LRRIQ1: variants seen among roughly 807,000 people sequenced by gnomAD.
LRRIQ1 encodes the protein leucine rich repeats and IQ motif containing 1, also known as leucine-rich repeat- and IQ domain-containing protein 1.
A neutral mutation model predicts 211.9 loss-of-function variants in LRRIQ1; 210 were observed. The observed-to-expected ratio is 0.99, with a 90% CI of 0.89 to 1.11. LRRIQ1 has a LOEUF of 1.11. Among genes scored for constraint, LRRIQ1 ranks in the 50% most tolerant of loss-of-function variants. LRRIQ1 has a pLI of 0.00. For missense variants in LRRIQ1, 2,136 were observed against 1,939.5 expected, an observed-to-expected ratio of 1.10 and a Z score of -1.90; for synonymous variants, 699 against 650.1, an observed-to-expected ratio of 1.08 and a Z score of -1.14.
At chr12:85,240,613 G>A (rs1453288007) in intron 26 of LRRIQ1, among the ~76,000 whole-genome samples, 2 of 151,686 alleles carry the variant, frequency 1.3e-5, no homozygotes, top group Non-Finnish European at 2.9e-5. Flanking sequence ...TCATTGAATG[G>A]GTAAAATAAT....
chr12:85,198,863 C>A (rs188651779), intron 24 of LRRIQ1, among the ~76,000 whole-genome samples: 31 of 152,194 alleles, frequency 2.0e-4, no homozygotes, highest in African/African-American at 6.3e-4. Flanking sequence ...ACACCGCACC[C>A]GGCCGATGTT....
At chr12:85,156,931 G>T (rs1345945511) in intron 23 of LRRIQ1, among the ~76,000 whole-genome samples, 1 of 151,866 alleles carries the variant, frequency 6.6e-6, no homozygotes, top group African/African-American at 2.4e-5. Flanking sequence ...ATTGCAAGAA[G>T]TATGGTAGCT....
downstream of LRRIQ1, among the ~76,000 whole-genome samples, chr12:85,266,806 C>A (rs1593039900): frequency 6.6e-6 from 1 of 152,250 alleles, no homozygotes; most frequent in East Asian, 1.9e-4. Flanking sequence ...AAGGCAATAA[C>A]AAGCCAAGGT....
At chr12:85,145,685 A>G (rs541145014) in intron 19 of LRRIQ1, among the ~76,000 whole-genome samples, 2 of 151,764 alleles carry the variant, frequency 1.3e-5, no homozygotes, top group African/African-American at 4.8e-5. Context: ...AGGATATCCC[A>G]TGTCTTCTAA....
intron 8 of LRRIQ1, among the ~76,000 whole-genome samples, chr12:85,058,718 G>T (rs1242991334): frequency 6.6e-6 from 1 of 151,924 alleles, no homozygotes; most frequent in Non-Finnish European, 1.5e-5. Flanking sequence ...GCAAGGCCTG[G>T]CAAACTATTA....
At chr12:85,169,253 A>T (rs1354681816) in intron 24 of LRRIQ1, among the ~76,000 whole-genome samples, 3 of 152,158 alleles carry the variant, frequency 2.0e-5, no homozygotes, top group Non-Finnish European at 2.9e-5. Flanking sequence ...TGTTTTTTGC[A>T]TGATTTTTTT....
At chr12:85,044,846 T>TA (rs1447788318) in intron 4 of LRRIQ1, 37 bp downstream of exon 4, 1 of 960,582 alleles carries the variant, frequency 1.0e-6, no homozygotes, top group South Asian at 1.7e-5. Context: ...TATTCACTAT[T>TA]ACAATTAGAA....
intron 24 of LRRIQ1, among the ~76,000 whole-genome samples, chr12:85,195,241 G>A (rs1892831747): frequency 6.6e-6 from 1 of 151,674 alleles, no homozygotes; most frequent in Admixed American, 6.6e-5. Context: ...TTCTACCAGA[G>A]GTACAAGGAG....
At chr12:85,143,031 A>C (rs1293324864) in intron 19 of LRRIQ1, among the ~76,000 whole-genome samples, 1 of 151,586 alleles carries the variant, frequency 6.6e-6, no homozygotes, top group Non-Finnish European at 1.5e-5. Context: ...AAGAGCCTTC[A>C]TAGTGCTTTT....
rs201978322 is a variant in LRRIQ1 at position 85,152,310 on chromosome 12, G to A, written c.4360G>A (p.Asp1454Asn). The change falls in exon 20 of 27, where the codon GAT becomes AAT. Residue 1454 changes from aspartate to asparagine, a missense_variant. Coordinates refer to ENST00000393217, the MANE Select transcript of LRRIQ1 (RefSeq NM_001079910.2). The part of the protein sequence containing the change: ...AALEEEWLAL[D>N]STRFPSQTLL... ...CTTAGAAGAAGAATGGCTAGCATTA[G>A]ATTCCACCCGCTTCCCTTCACAAAC... The A allele has an allele frequency of 2.8e-5, 45 of 1,611,158 alleles. No individual in the cohort carries two copies. Among genetic ancestry groups the A allele is most frequent in the Non-Finnish European group, 3.7e-5 (44 of 1,178,330 alleles).
intron 13 of LRRIQ1, among the ~76,000 whole-genome samples, chr12:85,100,239 A>G (rs544278045): frequency 6.6e-6 from 1 of 151,864 alleles, no homozygotes; most frequent in Non-Finnish European, 1.5e-5. Flanking sequence ...TTGACAAGTA[A>G]TGCCTTTAAT....
At chr12:85,147,918 C>T (rs373716972) in intron 19 of LRRIQ1, among the ~76,000 whole-genome samples, 8 of 151,634 alleles carry the variant, frequency 5.3e-5, no homozygotes, top group East Asian at 3.9e-4. Context: ...TCAAATAGAA[C>T]GACAATAGGT....
downstream of LRRIQ1, among the ~76,000 whole-genome samples, chr12:85,264,762 G>T (rs1037679265): frequency 3.3e-5 from 5 of 151,980 alleles, no homozygotes; most frequent in Admixed American, 6.6e-5. Context: ...CTGAATTTTG[G>T]ACTAACAGTG....
intron 26 of LRRIQ1, among the ~76,000 whole-genome samples, chr12:85,235,144 G>A (rs1263599881): frequency 1.3e-5 from 2 of 152,112 alleles, no homozygotes; most frequent in African/African-American, 4.8e-5. Context: ...TTTCAAGGAA[G>A]AGCAAAGCAT....
chr12:85,128,056 C>T, intron 18 of LRRIQ1, 23 bp downstream of exon 18: 1 of 1,498,974 alleles, frequency 6.7e-7, no homozygotes, highest in Non-Finnish European at 9.3e-7. Context: ...CTTTTGGTAA[C>T]ATAGTTACAA....
chr12:85,192,589 C>A (rs866894479), intron 24 of LRRIQ1, among the ~76,000 whole-genome samples: 1,725 of 77,882 alleles, frequency 0.022, 221 homozygotes, highest in African/African-American at 0.035. Flanking sequence ...TAGTTATATA[C>A]TATAATTGTG....
At chr12:85,139,712 C>G (rs1368498264) in intron 19 of LRRIQ1, among the ~76,000 whole-genome samples, 1 of 151,346 alleles carries the variant, frequency 6.6e-6, no homozygotes, top group Non-Finnish European at 1.5e-5. Context: ...AGACAGAACA[C>G]TATTGCTCAC....
At chr12:85,091,771 T>TTTTAA (rs1885419099) in intron 11 of LRRIQ1, among the ~76,000 whole-genome samples, 1 of 152,150 alleles carries the variant, frequency 6.6e-6, no homozygotes, top group Non-Finnish European at 1.5e-5. Flanking sequence ...CCACATTGCT[T>TTTTAA]GCTTCTTAAA....
At chr12:85,040,890 CAAG>C (rs1228914742) in intron 3 of LRRIQ1, among the ~76,000 whole-genome samples, 9 of 151,290 alleles carry the variant, frequency 5.9e-5, no homozygotes, top group Non-Finnish European at 1.3e-4. Context: ...TAAAACTAAT[CAAG>C]AGAATTTTTT....
Sources: gnomAD v4.1 joint callset for allele counts (sites outside exome capture counted in the v4.1 genomes callset) on GRCh38, gnomAD v4.1.1 for gene constraint, MANE v1.5 for transcripts, NCBI Gene and HGNC (gene_info 2026-07-23, HGNC 2026-07-21) for gene names.